CLEC12A: variants seen among roughly 807,000 people sequenced by gnomAD.
The protein encoded by CLEC12A is C-type lectin protein CLL-1.
In CLEC12A, 22 loss-of-function variants were observed where a neutral mutation model predicts 26.5. The ratio of observed to expected loss-of-function variants is 0.83; its 90% CI spans 0.59 to 1.19. The LOEUF is 1.19. Ranked by LOEUF, CLEC12A falls within the 50% of genes most tolerant of loss-of-function variation. The pLI, the probability that CLEC12A is intolerant of heterozygous loss-of-function variation, is 0.00. For synonymous variants in CLEC12A, 119 were observed against 101.9 expected (o/e 1.17, Z -1.01); for missense variants, 353 against 315.6 (o/e 1.12, Z -0.90).
At chr12:9,976,254 A>G (rs1565557027) in intron 1 of CLEC12A, among the ~76,000 whole-genome samples, 1 of 152,200 alleles carries the variant, frequency 6.6e-6, no homozygotes, top group Non-Finnish European at 1.5e-5. Context: ...TGCACTGTCC[A>G]CTTGGAAAAG....
chr12:9,995,785 CTTTCT>C (rs996214396), downstream of CLEC12A: 9 of 189,014 alleles, frequency 4.8e-5, no homozygotes. Flanking sequence ...TCCCTATTTA[CTTTCT>C]TCTAATTAGC....
chr12:9,960,181 CAGGG>C (rs949335273), intron 1 of CLEC12A, among the ~76,000 whole-genome samples: 1 of 152,142 alleles, frequency 6.6e-6, no homozygotes, highest in African/African-American at 2.4e-5. Context: ...GGGATCCCTC[CAGGG>C]GAAACAGTCA....
intron 1 of CLEC12A, among the ~76,000 whole-genome samples, chr12:9,957,440 A>C (rs1485585479): frequency 6.6e-6 from 1 of 150,550 alleles, no homozygotes; most frequent in Non-Finnish European, 1.5e-5. Flanking sequence ...GTGAGCCAAA[A>C]TCGTGCCACT....
At chr12:9,966,157 T>C (rs1271009473) in intron 1 of CLEC12A, among the ~76,000 whole-genome samples, 2 of 152,152 alleles carry the variant, frequency 1.3e-5, no homozygotes, top group Non-Finnish European at 2.9e-5. Context: ...TGGCCATCAG[T>C]ACTTACAACA....
chr12:9,968,748 A>G (rs479624), upstream of CLEC12A, among the ~76,000 whole-genome samples: 87,482 of 152,002 alleles, frequency 0.58, 25,507 homozygotes, highest in South Asian at 0.72. Context: ...ACTTATGTTT[A>G]ATATTGGAAG....
chr12:9,983,806 G>A, intron 5 of CLEC12A: 1 of 344,216 alleles, frequency 2.9e-6, no homozygotes, highest in Non-Finnish European at 5.4e-6. Context: ...AAGAAAAGGT[G>A]GCCCTACCTC....
chr12:9,984,967 A>G lies in CLEC12A; in HGVS notation c.739A>G (p.Ile247Val), dbSNP rs769321451. The part of the protein sequence containing the change: ...YYHCTYKKRM[I>V]CEKMANPVQL... The stretch of plus-strand genomic sequence containing the variant: ...TCACTGCACTTATAAAAAAAGAATG[A>G]TATGTGAGAAGATGGCCAATCCAGT... The change falls in exon 6 of 6, where the codon ATA becomes GTA. Residue 247 changes from isoleucine (I) to valine (V), a missense_variant. Ile to Val is a conservative substitution (Grantham distance 29). Transcript: ENST00000304361. The G allele has an allele frequency of 3.8e-6, 6 of 1,558,714 alleles. No homozygotes were observed. The Admixed American group carries it at 7.5e-5, about 20-fold the overall frequency.
chr12:9,999,765 C>A (rs11053538), downstream of CLEC12A, among the ~76,000 whole-genome samples: 11,371 of 152,134 alleles, frequency 0.075, 452 homozygotes, highest in East Asian at 0.17. Flanking sequence ...TAAAATAATA[C>A]AGAGTTGGTG....
At chr12:9,993,287 C>A in intron 4 of CLEC12A, 5 of 1,610,878 alleles carry the variant, frequency 3.1e-6, no homozygotes, top group Non-Finnish European at 3.4e-6. Flanking sequence ...AAAACTCAAA[C>A]CTGTGAAGGG....
At chr12:9,961,843 A>G (rs1270546487) in intron 1 of CLEC12A, among the ~76,000 whole-genome samples, 1 of 152,240 alleles carries the variant, frequency 6.6e-6, no homozygotes, top group Non-Finnish European at 1.5e-5. Context: ...TCTACTCTTC[A>G]CCATTCTAAT....
downstream of CLEC12A, chr12:9,999,111 G>A (rs1256205574): frequency 4.4e-6 from 7 of 1,594,910 alleles, no homozygotes; most frequent in South Asian, 6.8e-5. Flanking sequence ...GGCTTCCCGA[G>A]TACTGCAACT....
At chr12:9,962,408 A>G (rs969163503) in intron 1 of CLEC12A, among the ~76,000 whole-genome samples, 1 of 151,734 alleles carries the variant, frequency 6.6e-6, no homozygotes, top group Admixed American at 6.6e-5. Flanking sequence ...ACCTGTCTTC[A>G]TTTCTTTCCC....
At chr12:9,987,585 T>A (rs636554), downstream of CLEC12A, among the ~76,000 whole-genome samples, 87,661 of 151,964 alleles carry the variant, frequency 0.58, 25,806 homozygotes, top group East Asian at 0.87. Context: ...GAGCAGATTT[T>A]TATGCCTTCA....
At chr12:9,959,484 A>G (rs567583683) in intron 1 of CLEC12A, among the ~76,000 whole-genome samples, 2 of 151,506 alleles carry the variant, frequency 1.3e-5, no homozygotes, top group Non-Finnish European at 2.9e-5. Flanking sequence ...AGAAATATTA[A>G]CCTTACTTTT....
chr12:9,964,497 G>T (rs144371859), intron 1 of CLEC12A, among the ~76,000 whole-genome samples: 3,895 of 152,212 alleles, frequency 0.026, 85 homozygotes, highest in Non-Finnish European at 0.036. Context: ...GAGTATAAAA[G>T]TAAAGAATAG....
At chr12:10,006,013 G>A in the CLEC12A span, among the ~76,000 whole-genome samples, 1 of 152,156 alleles carries the variant, frequency 6.6e-6, no homozygotes, top group East Asian at 1.9e-4. Context: ...CTTCTGTCAT[G>A]TTAACTCAAT....
chr12:9,997,604 C>G (rs1001168936), downstream of CLEC12A, among the ~76,000 whole-genome samples: 13 of 152,140 alleles, frequency 8.5e-5, no homozygotes, highest in African/African-American at 3.1e-4. Flanking sequence ...GGTGAATGAC[C>G]TCTTATTTTC....
At chr12:9,986,224 G>A (rs756290333), downstream of CLEC12A, 230 of 424,904 alleles carry the variant, frequency 5.4e-4, 1 homozygote, top group Admixed American at 6.9e-4. Flanking sequence ...CAATTTGTGC[G>A]TCAGAACAGA....
intron 1 of CLEC12A, among the ~76,000 whole-genome samples, chr12:9,976,357 G>A (rs528302462): frequency 6.6e-6 from 1 of 152,214 alleles, no homozygotes; most frequent in African/African-American, 2.4e-5. Context: ...AGACATGGGA[G>A]CCTACCTCTT....
Sources: gnomAD v4.1 joint callset for allele counts (sites outside exome capture counted in the v4.1 genomes callset) on GRCh38, gnomAD v4.1.1 for gene constraint, MANE v1.5 for transcripts, NCBI Gene and HGNC (gene_info 2026-07-23, HGNC 2026-07-21) for gene names.